Variants in PCDHGA9 observed in about 807,000 individuals in gnomAD.
The protein encoded by PCDHGA9 is protocadherin gamma subfamily A, 9.
Under a neutral mutation model 62.5 loss-of-function variants are expected in PCDHGA9, and 37 were observed. The ratio of observed to expected loss-of-function variants is 0.59; its 90% CI spans 0.46 to 0.78. The LOEUF (loss-of-function observed/expected upper bound fraction) is 0.78. PCDHGA9 is among the 30% of genes least tolerant of loss of function. The probability of loss-of-function intolerance (pLI) is 0.00; values close to 1 mark genes in which losing one functional copy is unlikely to be tolerated. For missense variants in PCDHGA9, 1,138 were observed against 1,166.2 expected (o/e 0.98, Z 0.35); for synonymous variants, 459 against 484.6 (o/e 0.95, Z 0.69).
rs1479003983 is a variant in PCDHGA9, at chr5:141,485,352, C to T, written c.2425-9455C>T. On this transcript the variant is annotated intron_variant, in intron 1 of 3. Coordinates refer to ENST00000573521, the MANE Select transcript of PCDHGA9 (RefSeq NM_018921.3). This position sits in a 1 kb window ranked among gnomAD's most constrained non-coding sequence, Gnocchi z 5.7. ...TTCCTGCTGGATACGGACAGTCTGT[C>T]AGCTCGCAGGCTGCAGGTCGCTGGA... 1 of 1,614,136 alleles carries T rather than the reference C, an allele frequency of 6.2e-7. No homozygotes were observed. The highest frequency in any genetic ancestry group is 8.5e-7 in the Non-Finnish European group (1 of 1,180,012).
At chr5:141,441,325 T>C (rs961263461) in intron 1 of PCDHGA9, 1 of 152,192 alleles carries the variant, frequency 6.6e-6, no homozygotes, top group African/African-American at 2.4e-5. Flanking sequence ...AGAAAAATCT[T>C]CCTCCAATAA....
At chr5:141,473,343 T>G (rs1309426537) in intron 1 of PCDHGA9, among the ~76,000 whole-genome samples, 1 of 152,218 alleles carries the variant, frequency 6.6e-6, no homozygotes, top group African/African-American at 2.4e-5. Context: ...TGCTAGACAG[T>G]GAGGATGCAA....
At chr5:141,423,674 C>T (rs57195665) in intron 1 of PCDHGA9, 3 of 1,514,742 alleles carry the variant, frequency 2.0e-6, no homozygotes, top group African/African-American at 1.5e-5. Context: ...AGATTTATTT[C>T]TCTGCCTCCT....
At chr5:141,408,051 C>A in intron 1 of PCDHGA9, 3 of 1,264,368 alleles carry the variant, frequency 2.4e-6, no homozygotes, top group Non-Finnish European at 3.2e-6. Context: ...CCACACAGAG[C>A]CTCCCGGCTG....
rs1490821452 is a variant in PCDHGA9, at chr5:141,405,124, G to A, written c.2172G>A (p.Leu724=). 2 of 1,614,020 alleles carry A rather than the reference G, an allele frequency of 1.2e-6. No individual in the cohort carries two copies. The highest frequency in any genetic ancestry group is 3.3e-5 in the Admixed American group (2 of 60,030). ...LRLRHWHSSH[L]LRATSDGLAG... ...TGAGGCACTGGCACTCCTCGCATCT[G>A]CTGCGGGCTACCAGTGATGGGTTGG... The change falls in exon 1 of 4, where the codon CTG becomes CTA. Residue 724 remains leucine, a synonymous_variant. Coordinates refer to ENST00000573521, the MANE Select transcript of PCDHGA9 (RefSeq NM_018921.3).
In PCDHGA9 at chr5:141,421,780, G is replaced by A. The variant is rs1259671007; in HGVS notation, c.2424+16404G>A. On this transcript the variant is annotated intron_variant, in intron 1 of 3. Coordinates refer to ENST00000573521, the MANE Select transcript of PCDHGA9 (RefSeq NM_018921.3). ...TAATTACTTTTCCTTGCAACTGCGGGGCAGAACGGATGGGGCCAAGAATCC... is the reference window on the plus strand; with the variant it reads ...TAATTACTTTTCCTTGCAACTGCGGAGCAGAACGGATGGGGCCAAGAATCC... The A allele has an allele frequency of 2.5e-6, 4 of 1,613,856 alleles. No homozygotes were observed. In the South Asian group the frequency reaches 4.4e-5, roughly 18 times the overall value.
chr5:141,502,470 G>A (rs1017558920), intron 2 of PCDHGA9, among the ~76,000 whole-genome samples: 5 of 150,916 alleles, frequency 3.3e-5, no homozygotes, highest in Admixed American at 2.6e-4. Flanking sequence ...AATACTTCCC[G>A]CAGCATCACA....
chr5:141,419,119 C>T lies in PCDHGA9; in HGVS notation c.2424+13743C>T. 2.5e-6 allele frequency: 4 copies of T among 1,613,896 alleles called. No individual in the cohort carries two copies. The South Asian group carries it at 3.3e-5, about 13-fold the overall frequency. Reference sequence around the variant, plus strand: ...GGGAGCAGACCCCAGAGTACAACGTCACCATCGCAGCCACAGACAGGGGCA... The same window carrying T: ...GGGAGCAGACCCCAGAGTACAACGTTACCATCGCAGCCACAGACAGGGGCA... On this transcript the variant is annotated intron_variant, in intron 1 of 3. Coordinates refer to ENST00000573521, the MANE Select transcript of PCDHGA9 (RefSeq NM_018921.3).
At chr5:141,410,393 C>G in intron 1 of PCDHGA9, 3 of 1,614,046 alleles carry the variant, frequency 1.9e-6, no homozygotes, top group Non-Finnish European at 2.5e-6. Flanking sequence ...CCATCCTGGT[C>G]TCTGTGTCAA....
intron 1 of PCDHGA9, chr5:141,478,902 GCTGCTGGATAC>G: frequency 1.0e-6 from 1 of 978,788 alleles, no homozygotes. Context: ...TTAGGAATAA[GCTGCTGGATAC>G]CTCTAACCAG....
Position 141,493,022 on chromosome 5 carries a change from G to T in PCDHGA9, c.2425-1785G>T, listed in dbSNP as rs1184742888. ...GCTATAGGCTCTGCCAGATGCCAGG[G>T]TGCCCTTATGTGTGAGGAAACTACA... On this transcript the variant is annotated intron_variant, in intron 1 of 3. Transcript: ENST00000573521. The surrounding 1 kb of genome is among the most constrained non-coding windows in gnomAD (Gnocchi z 4.3). Among the ~76,000 whole-genome samples the T allele has an allele frequency of 1.3e-5, 2 of 152,222 alleles. No individual in the cohort carries two copies. Among genetic ancestry groups the T allele is most frequent in the Admixed American group, 1.3e-4 (2 of 15,282 alleles).
intron 1 of PCDHGA9, chr5:141,409,921 G>T (rs767370997): frequency 6.2e-7 from 1 of 1,613,404 alleles, no homozygotes; most frequent in Admixed American, 1.7e-5. Context: ...ACGGCTCCGC[G>T]TTCTTCGATA....
intron 1 of PCDHGA9, chr5:141,419,181 A>T (rs769321564): frequency 1.9e-6 from 3 of 1,613,858 alleles, no homozygotes; most frequent in Admixed American, 3.3e-5. Flanking sequence ...ATAACCCTGC[A>T]CATTACTGAC....
chr5:141,406,079 T>C (rs570702423), intron 1 of PCDHGA9, among the ~76,000 whole-genome samples: 2 of 151,808 alleles, frequency 1.3e-5, no homozygotes, highest in South Asian at 2.1e-4. Context: ...CTCCTTTTTT[T>C]TTTTTTTTAA....
chr5:141,448,706 C>G (rs1344013319), intron 1 of PCDHGA9, among the ~76,000 whole-genome samples: 1 of 151,732 alleles, frequency 6.6e-6, no homozygotes, highest in African/African-American at 2.4e-5. Context: ...TTTGGGAGGC[C>G]GAGGCGGGAG....
At chr5:141,415,740 G>GTTTTTTTTTTTTTTTTTGTTTTT (rs2095912994) in intron 1 of PCDHGA9, 1 of 515,998 alleles carries the variant, frequency 1.9e-6, no homozygotes. Flanking sequence ...GTTTATTAAG[G>GTTTTTTTTTTTTTTTTTGTTTTT]TTTTTTTTTT....
intron 1 of PCDHGA9, chr5:141,421,951 A>G: frequency 6.2e-7 from 1 of 1,612,854 alleles, no homozygotes; most frequent in Non-Finnish European, 8.5e-7. Flanking sequence ...TCACATCCCA[A>G]TGTTTACACA....
intron 1 of PCDHGA9, chr5:141,479,521 T>C (rs4912607): frequency 0.2 from 30,680 of 152,154 alleles, 3,215 homozygotes; most frequent in Admixed American, 0.29. Flanking sequence ...CTGGCCCAGG[T>C]TGGAAGTGGA....
At chr5:141,433,655 G>T (rs1227358856) in intron 1 of PCDHGA9, among the ~76,000 whole-genome samples, 2 of 152,036 alleles carry the variant, frequency 1.3e-5, no homozygotes, top group Non-Finnish European at 1.5e-5. Flanking sequence ...GACCAACATG[G>T]AGAAACCCCG....
Sources: gnomAD v4.1 joint callset for allele counts (sites outside exome capture counted in the v4.1 genomes callset) on GRCh38, gnomAD v4.1.1 for gene constraint, Gnocchi (gnomAD v3.1) non-coding constraint, MANE v1.5 for transcripts, NCBI Gene and HGNC (gene_info 2026-07-23, HGNC 2026-07-21) for gene names.